Variants in FOXP1 observed in about 807,000 individuals in gnomAD.
FOXP1 encodes forkhead box P1, also known as forkhead box protein P1.
In FOXP1, 15 loss-of-function variants were observed where a neutral mutation model predicts 98.2. That is an observed-to-expected ratio of 0.15 (90% CI 0.10 to 0.24). The LOEUF (loss-of-function observed/expected upper bound fraction) is 0.24, where lower values mean the gene tolerates loss of function less well. Ranked by LOEUF, FOXP1 falls within the 10% of genes least tolerant of loss-of-function variation. The pLI is 1.00. For synonymous variants in FOXP1, 371 were observed against 314.5 expected (o/e 1.18, Z -1.90); for missense variants, 633 against 848.5 (o/e 0.75, Z 3.15).
intron 2 of FOXP1, among the ~76,000 whole-genome samples, chr3:71,535,588 C>T (rs1412412701): frequency 6.6e-6 from 1 of 152,150 alleles, no homozygotes; most frequent in African/African-American, 2.4e-5. Context: ...TTAGCTTGGA[C>T]GTGGTGGCGT....
At chr3:71,415,746 G>C (rs2083164644) in intron 3 of FOXP1, among the ~76,000 whole-genome samples, 1 of 146,548 alleles carries the variant, frequency 6.8e-6, no homozygotes, top group Non-Finnish European at 1.5e-5. Flanking sequence ...TCTGATGTTT[G>C]GGTCTTTGAC....
At chr3:71,463,613 C>T (rs2088386557) in intron 3 of FOXP1, among the ~76,000 whole-genome samples, 2 of 152,136 alleles carry the variant, frequency 1.3e-5, no homozygotes, top group Non-Finnish European at 2.9e-5. Flanking sequence ...CAACTTCTAC[C>T]TCACGGGGTG....
chr3:71,152,175 T>C (rs1353756228), intron 6 of FOXP1, among the ~76,000 whole-genome samples: 1 of 152,152 alleles, frequency 6.6e-6, no homozygotes. Flanking sequence ...AGGGCTGTGT[T>C]GTGGAGAGGG....
chr3:71,534,707 G>C (rs1443204273), intron 2 of FOXP1, among the ~76,000 whole-genome samples: 1 of 152,186 alleles, frequency 6.6e-6, no homozygotes, highest in Non-Finnish European at 1.5e-5. Flanking sequence ...CATTTCAACA[G>C]TAGTCCACAG....
chr3:71,053,913 C>T, intron 7 of FOXP1, 140 bp from the exon 8 acceptor site: 1 of 853,836 alleles, frequency 1.2e-6, no homozygotes, highest in Non-Finnish European at 1.9e-6. Flanking sequence ...AGAGGGGATG[C>T]AGCAACAGAT....
chr3:71,071,683 C>A (rs2053252467), intron 7 of FOXP1, among the ~76,000 whole-genome samples: 2 of 152,184 alleles, frequency 1.3e-5, no homozygotes, highest in African/African-American at 4.8e-5. Context: ...AAGCGATTAT[C>A]CTGCCTCAGC....
rs1559596133 is a variant in FOXP1, at chr3:70,970,720, C to CGGA, written c.1722+15_1722+16insTCC. 1 of 1,604,618 alleles carries CGGA rather than the reference C, an allele frequency of 6.2e-7. No homozygotes were observed. Among genetic ancestry groups the CGGA allele is most frequent in the South Asian group, 1.1e-5 (1 of 90,870 alleles). ...CTGTGCCTCTGCTGCATATTCGGGACGGCCGTTAATCTTACCTGTAAAGCT... is the reference window on the plus strand; with the variant it reads ...CTGTGCCTCTGCTGCATATTCGGGACGGAGGCCGTTAATCTTACCTGTAAAGCT... On this transcript the variant is annotated intron_variant, in intron 19 of 20. Transcript: ENST00000649528.
At chr3:71,077,905 T>G (rs990563864) in intron 7 of FOXP1, among the ~76,000 whole-genome samples, 27 of 151,932 alleles carry the variant, frequency 1.8e-4, no homozygotes, top group Admixed American at 4.6e-4. Context: ...TGATCTCGGC[T>G]CACCGCAACC....
rs184032315 is a variant in FOXP1 at position 71,265,952 on chromosome 3, G to C, written c.-12+33868C>G. ...AGAGCAAACCTCCAAAGTGCAAGAGGCCATCCCGGTCTAATGACTTGGTGT... is the reference window on the plus strand; with the variant it reads ...AGAGCAAACCTCCAAAGTGCAAGAGCCCATCCCGGTCTAATGACTTGGTGT... On this transcript the variant is annotated intron_variant, in intron 5 of 20. Transcript: ENST00000649528. Among the ~76,000 whole-genome samples, 21 of 152,264 alleles carry C rather than the reference G, an allele frequency of 1.4e-4. 1 individual carries two copies. Among genetic ancestry groups the C allele is most frequent in the African/African-American group, 5.1e-4 (21 of 41,526 alleles).
intron 3 of FOXP1, among the ~76,000 whole-genome samples, chr3:71,460,079 GC>G (rs1339934257): frequency 1.3e-5 from 2 of 151,078 alleles, no homozygotes; most frequent in East Asian, 3.9e-4. Flanking sequence ...GACTACAGGC[GC>G]CCACCACCAT....
chr3:71,342,912 T>C (rs960435159), intron 4 of FOXP1, among the ~76,000 whole-genome samples: 23 of 152,204 alleles, frequency 1.5e-4, no homozygotes, highest in Admixed American at 7.9e-4. Flanking sequence ...ACAGATTGTA[T>C]TCAGTTTGGG....
rs1405703145 is a variant in FOXP1 at position 71,197,820 on chromosome 3, T to C, written c.180+382A>G. 5 of 1,492,872 alleles carry C rather than the reference T, an allele frequency of 3.3e-6. No individual in the cohort carries two copies. In the Admixed American group the frequency reaches 5.3e-5, roughly 16 times the overall value. 92.5% of individuals were successfully genotyped at this position (1,492,872 alleles called of 1,614,324 possible). A position where few individuals can be genotyped will look rare whatever the true frequency, so the allele number is the denominator to read the frequency against. ...TTATTCCTTAGCTCTTATTTCCTTCTTCACAGGCTTAAGCCTGTTTTTCGT... is the reference window on the plus strand; with the variant it reads ...TTATTCCTTAGCTCTTATTTCCTTCCTCACAGGCTTAAGCCTGTTTTTCGT... On this transcript the variant is annotated intron_variant, in intron 6 of 20. Coordinates refer to ENST00000649528, the MANE Select transcript of FOXP1 (RefSeq NM_001349338.3).
At chr3:71,492,212 G>A (rs1309459812) in intron 3 of FOXP1, among the ~76,000 whole-genome samples, 1 of 152,120 alleles carries the variant, frequency 6.6e-6, no homozygotes, top group Non-Finnish European at 1.5e-5. Flanking sequence ...AGCACTTTAG[G>A]AGGCTGAGAC....
chr3:71,250,379 G>T (rs750718657), intron 5 of FOXP1, among the ~76,000 whole-genome samples: 2 of 152,168 alleles, frequency 1.3e-5, no homozygotes, highest in African/African-American at 2.4e-5. Flanking sequence ...TGAGGCTCCT[G>T]AGCACTTGAA....
chr3:71,438,009 A>G (rs2085536715), intron 3 of FOXP1, among the ~76,000 whole-genome samples: 1 of 152,240 alleles, frequency 6.6e-6, no homozygotes, highest in African/African-American at 2.4e-5. Flanking sequence ...ACTTATTTCC[A>G]GAAGAAATGT....
Position 70,955,828 on chromosome 3 carries a change from G to T in FOXP1, c.*3419C>A, listed in dbSNP as rs200099960. The T allele has an allele frequency of 4.8e-6, 1 of 207,440 alleles. No individual in the cohort carries two copies. The highest frequency in any genetic ancestry group is 8.7e-6 in the Non-Finnish European group (1 of 115,590). The allele number at this position is 207,440 out of a possible 1,614,324, so 12.8% of individuals were successfully genotyped here. A position where few individuals can be genotyped will look rare whatever the true frequency, so the allele number is the denominator to read the frequency against. ...AAAAAACAGATTAACACACACGCAC[G>T]CGCGCACACACACACACACACACAC... On this transcript the variant is annotated 3_prime_UTR_variant, in exon 21 of 21. Transcript: ENST00000649528.
intron 2 of FOXP1, among the ~76,000 whole-genome samples, chr3:71,541,092 T>C (rs1230910825): frequency 1.3e-5 from 2 of 152,236 alleles, no homozygotes; most frequent in African/African-American, 2.4e-5. Context: ...GTCCCTTCTT[T>C]TAGCAAACTG....
chr3:71,417,925 G>T (rs899909852), intron 3 of FOXP1, among the ~76,000 whole-genome samples: 4 of 151,968 alleles, frequency 2.6e-5, no homozygotes, highest in Admixed American at 2.6e-4. Context: ...ACACCCCCGA[G>T]AAGACAGACT....
chr3:70,972,801 C>A, intron 17 of FOXP1, 125 bp from the exon 18 acceptor site: 1 of 867,304 alleles, frequency 1.2e-6, no homozygotes, highest in South Asian at 1.7e-5. Context: ...GCTACCACCC[C>A]CGTGGAGGAC....
Sources: gnomAD v4.1 joint callset for allele counts (sites outside exome capture counted in the v4.1 genomes callset) on GRCh38, gnomAD v4.1.1 for gene constraint, MANE v1.5 for transcripts, NCBI Gene and HGNC (gene_info 2026-07-23, HGNC 2026-07-21) for gene names.